The following STK24 variants were observed in gnomAD, a reference collection of about 807,000 sequenced individuals.
The protein encoded by STK24 is serine/threonine kinase 24.
STK24 carries 21 observed loss-of-function variants against 55.6 expected under a neutral mutation model. That is an observed-to-expected ratio of 0.38 (90% CI 0.27 to 0.54). The LOEUF is 0.54. Among genes scored for constraint, STK24 ranks in the 20% least tolerant of loss-of-function variants. STK24 has a pLI of 0.79. For synonymous variants in STK24, 200 were observed against 215.2 expected (o/e 0.93, Z 0.62); for missense variants, 383 against 538.4 (o/e 0.71, Z 2.86).
intron 2 of STK24, among the ~76,000 whole-genome samples, chr13:98,515,627 C>T (rs1171443168): frequency 6.6e-6 from 1 of 152,180 alleles, no homozygotes; most frequent in Non-Finnish European, 1.5e-5. Context: ...GTGACTTCAT[C>T]ACTGCTACTG....
chr13:98,462,787 C>T (rs4772087), intron 7 of STK24, among the ~76,000 whole-genome samples: 44,921 of 152,054 alleles, frequency 0.3, 7,514 homozygotes, highest in East Asian at 0.4. Context: ...ACCCCACACT[C>T]GGCTTCCCGC....
chr13:98,471,024 C>A (rs1894123502), intron 5 of STK24, among the ~76,000 whole-genome samples: 1 of 152,238 alleles, frequency 6.6e-6, no homozygotes, highest in African/African-American at 2.4e-5. Context: ...ACAAGGTTGA[C>A]CAAAGTGGCC....
At chr13:98,535,359 AAC>A (rs1303652643) in intron 1 of STK24, among the ~76,000 whole-genome samples, 1,966 of 30,620 alleles carry the variant, frequency 0.064, 31 homozygotes, top group Middle Eastern at 0.22. Flanking sequence ...CAAACAAACA[AAC>A]AAAAAAAAAA....
chr13:98,483,736 G>A (rs981557648), intron 2 of STK24, among the ~76,000 whole-genome samples: 16 of 152,188 alleles, frequency 1.1e-4, no homozygotes, highest in Non-Finnish European at 1.9e-4. Context: ...GGACAGCGCT[G>A]GTGTGCTCGA....
intron 2 of STK24, among the ~76,000 whole-genome samples, chr13:98,486,313 T>TG (rs891764605): frequency 1.4e-4 from 21 of 151,788 alleles, no homozygotes; most frequent in Non-Finnish European, 2.1e-4. Flanking sequence ...AGCACTGCAC[T>TG]GGGAAGGTAG....
chr13:98,576,038 C>T (rs1897880253), intron 1 of STK24: 17 of 985,128 alleles, frequency 1.7e-5, no homozygotes, highest in Non-Finnish European at 1.9e-5. Context: ...TAAATGCAAC[C>T]AAGTCTCAAA....
chr13:98,563,753 G>A lies in STK24; in HGVS notation c.42+12992C>T, dbSNP rs192163361. Among the ~76,000 whole-genome samples, 48 of 152,052 alleles carry A rather than the reference G, an allele frequency of 3.2e-4. No homozygotes were observed. In the East Asian group the frequency reaches 7.9e-3, roughly 25 times the overall value. On this transcript the variant is annotated intron_variant, in intron 1 of 10. Transcript: ENST00000539966. ...CGGGTGCCTATAGTCCCAGCTACTC[G>A]GGAGGCTGAGGCAGGAGAATGGCAT...
At position 98,555,837 on chromosome 13, in the gene STK24, C is replaced by T. The variant is rs538398070; in HGVS notation, c.42+20908G>A. On this transcript the variant is annotated intron_variant, in intron 1 of 10. Coordinates refer to ENST00000539966, the MANE Select transcript of STK24 (RefSeq NM_001032296.4). The stretch of plus-strand genomic sequence containing the variant: ...CTGGGACTACAGGTGCCCGCCACCA[C>T]ACCCGGTTAATTTTTTTTGTATTTT... Among the ~76,000 whole-genome samples, 19 of 151,320 alleles carry T rather than the reference C, an allele frequency of 1.3e-4. No homozygotes were observed. The South Asian group carries it at 2.7e-3, about 22-fold the overall frequency.
At chr13:98,493,991 C>T (rs1274408812) in intron 2 of STK24, among the ~76,000 whole-genome samples, 2 of 151,050 alleles carry the variant, frequency 1.3e-5, no homozygotes, top group African/African-American at 2.4e-5. Flanking sequence ...TACAGGTGCC[C>T]GCCACCATGC....
At chr13:98,478,958 C>T (rs1406761463) in intron 3 of STK24, among the ~76,000 whole-genome samples, 3 of 152,170 alleles carry the variant, frequency 2.0e-5, no homozygotes, top group Non-Finnish European at 4.4e-5. Flanking sequence ...ACAGACCTCC[C>T]CACCAGAACT....
intron 1 of STK24, among the ~76,000 whole-genome samples, chr13:98,526,000 C>A (rs1896416696): frequency 6.6e-6 from 1 of 152,200 alleles, no homozygotes. Flanking sequence ...CCCGCCCGAC[C>A]TGAAGGACAG....
chr13:98,484,118 C>T (rs1894714528), intron 2 of STK24, among the ~76,000 whole-genome samples: 1 of 152,180 alleles, frequency 6.6e-6, no homozygotes, highest in Non-Finnish European at 1.5e-5. Context: ...TTGGTGATCC[C>T]AGGTTCTGAT....
At chr13:98,524,208 A>C (rs1265866892) in intron 1 of STK24, among the ~76,000 whole-genome samples, 1 of 152,020 alleles carries the variant, frequency 6.6e-6, no homozygotes, top group Admixed American at 6.6e-5. Flanking sequence ...TAATGGCACT[A>C]ATAACCCATC....
chr13:98,453,997 G>A (rs1386609781), intron 10 of STK24: 6 of 152,142 alleles, frequency 3.9e-5, no homozygotes, highest in Middle Eastern at 3.2e-3. Flanking sequence ...GTTCCTTTGA[G>A]CCCCATGCTG....
intron 8 of STK24, among the ~76,000 whole-genome samples, chr13:98,461,167 C>G (rs1440854588): frequency 6.6e-6 from 1 of 152,142 alleles, no homozygotes; most frequent in Non-Finnish European, 1.5e-5. Context: ...CGAGTTTCTA[C>G]TTTTGCAACC....
At chr13:98,535,353 CAAACAAACAAA>C (rs1320627903) in intron 1 of STK24, among the ~76,000 whole-genome samples, 10 of 43,590 alleles carry the variant, frequency 2.3e-4, no homozygotes, top group African/African-American at 6.9e-4. Context: ...AACAAACAAA[CAAACAAACAAA>C]AAAAAAATAT....
intron 1 of STK24, among the ~76,000 whole-genome samples, chr13:98,567,583 G>A (rs969820894): frequency 6.6e-6 from 1 of 152,188 alleles, no homozygotes; most frequent in Non-Finnish European, 1.5e-5. Context: ...CCGACCAGTA[G>A]AGAGATGGAA....
At chr13:98,453,335 A>G in intron 10 of STK24, 126 bp from the exon 11 acceptor site, 1 of 908,614 alleles carries the variant, frequency 1.1e-6, no homozygotes, top group Non-Finnish European at 1.7e-6. Context: ...AAGTGGAGCA[A>G]ATATCAATGT....
chr13:98,503,027 T>TTTTTTTTTTTG (rs1895543169), intron 2 of STK24, among the ~76,000 whole-genome samples: 1 of 145,910 alleles, frequency 6.9e-6, no homozygotes, highest in African/African-American at 2.6e-5. Flanking sequence ...TCCATGTGTT[T>TTTTTTTTTTTG]TTTTTTTTTT....
Sources: gnomAD v4.1 joint callset for allele counts (sites outside exome capture counted in the v4.1 genomes callset) on GRCh38, gnomAD v4.1.1 for gene constraint, MANE v1.5 for transcripts, NCBI Gene and HGNC (gene_info 2026-07-23, HGNC 2026-07-21) for gene names.